DYSF: variants seen among roughly 807,000 people sequenced by gnomAD.
DYSF encodes dystrophy-associated fer-1-like 1.
A neutral mutation model predicts 274.9 loss-of-function variants in DYSF; 212 were observed. That is an observed-to-expected ratio of 0.77 (90% CI 0.69 to 0.86). The LOEUF (loss-of-function observed/expected upper bound fraction) is 0.86. Among genes scored for constraint, DYSF ranks in the 40% least tolerant of loss-of-function variants. DYSF has a pLI of 0.00. For synonymous variants in DYSF, 1,091 were observed against 1,078.7 expected (o/e 1.01, Z -0.22); for missense variants, 2,666 against 2,783.2 (o/e 0.96, Z 0.95).
At chr2:71,550,836 A>G (rs2090889951) in intron 17 of DYSF, among the ~76,000 whole-genome samples, 2 of 152,224 alleles carry the variant, frequency 1.3e-5, no homozygotes, top group Admixed American at 1.3e-4. Flanking sequence ...GCATCTCAGC[A>G]TGATGGTGAG....
chr2:71,673,819 G>A (rs560830753), intron 51 of DYSF, among the ~76,000 whole-genome samples: 73 of 152,278 alleles, frequency 4.8e-4, no homozygotes, highest in African/African-American at 1.7e-3. Context: ...GTTCATAGCA[G>A]TAGAGGGCCA....
intron 3 of DYSF, among the ~76,000 whole-genome samples, chr2:71,490,749 A>G (rs1234900294): frequency 1.3e-5 from 2 of 152,164 alleles, no homozygotes; most frequent in Non-Finnish European, 2.9e-5. Context: ...CTTTGCTTTT[A>G]TCACTTCATC....
At chr2:71,629,112 ATTC>A (rs1305334455) in intron 41 of DYSF, among the ~76,000 whole-genome samples, 2 of 151,996 alleles carry the variant, frequency 1.3e-5, no homozygotes, top group Admixed American at 6.6e-5. Flanking sequence ...GACCTCTTCT[ATTC>A]TTCATGTCTG....
rs534610734 is a variant in DYSF, at chr2:71,635,801, C to T, written c.4528-8164C>T. 1.5e-4 allele frequency among the ~76,000 whole-genome samples: 22 copies of T among 150,684 alleles called. No individual in the cohort carries two copies. The South Asian group carries it at 4.7e-3, about 32-fold the overall frequency. ...AGAAAAAGAAAAAAGATGAAGGGCT[C>T]TGCCTTCATGGAGAAGGAGATACAA... On this transcript the variant is annotated intron_variant, in intron 41 of 55. Transcript: ENST00000410020.
At chr2:71,453,894 G>C in exon 1 of DYSF, 1 of 1,175,788 alleles carries the variant, frequency 8.5e-7, no homozygotes, top group South Asian at 1.3e-5. Context: ...GCCTCGCCCA[G>C]CCAGCCCTCT....
At chr2:71,514,054 T>C (rs949011276) in intron 7 of DYSF, 133 bp downstream of exon 7, 10 of 1,069,572 alleles carry the variant, frequency 9.3e-6, no homozygotes, top group South Asian at 8.1e-5. Flanking sequence ...TGGGGGAATC[T>C]GTAGTTTCCC....
In DYSF at chr2:71,669,865, G is replaced by C. The variant is rs1371736149; in HGVS notation, c.5784+119G>C. 2.2e-6 allele frequency: 3 copies of C among 1,377,856 alleles called. No individual in the cohort carries two copies. The East Asian group carries it at 6.9e-5, about 32-fold the overall frequency. The allele number at this position is 1,377,856 out of a possible 1,614,324, so 85.4% of individuals were successfully genotyped here. On this transcript the variant is annotated intron_variant, in intron 51 of 55. Transcript: ENST00000410020. ...ATCTCACTGCTGCCCCACCATGTTG[G>C]AGCTACCACTGCCATCTCCACATGG...
chr2:71,623,472 A>T (rs983912936), intron 41 of DYSF, among the ~76,000 whole-genome samples: 4 of 152,002 alleles, frequency 2.6e-5, no homozygotes, highest in Admixed American at 2.6e-4. Flanking sequence ...AAGTCCTGCA[A>T]ATGTACCACA....
chr2:71,669,474 C>A lies in DYSF; in HGVS notation c.5643-131C>A. ...TTTATGGCACATTTTGTACATCGTGCCGATTTCCTGGGAATTCTTTTTGCG... is the reference window on the plus strand; with the variant it reads ...TTTATGGCACATTTTGTACATCGTGACGATTTCCTGGGAATTCTTTTTGCG... On this transcript the variant is annotated intron_variant, in intron 50 of 55. Coordinates refer to ENST00000410020, the MANE Select transcript of DYSF (RefSeq NM_001130987.2). 2.5e-6 allele frequency: 3 copies of A among 1,201,574 alleles called. No individual in the cohort carries two copies. In the South Asian group the frequency reaches 3.8e-5, roughly 15 times the overall value. The allele number at this position is 1,201,574 out of a possible 1,614,324, so 74.4% of individuals were successfully genotyped here.
intron 30 of DYSF, among the ~76,000 whole-genome samples, chr2:71,579,313 T>C (rs559219827): frequency 6.6e-6 from 1 of 152,222 alleles, no homozygotes; most frequent in East Asian, 1.9e-4. Flanking sequence ...TTCTCTGAGA[T>C]GCCTGGGCCT....
intron 30 of DYSF, among the ~76,000 whole-genome samples, chr2:71,584,266 T>C (rs538796299): frequency 7.7e-4 from 117 of 152,068 alleles, no homozygotes; most frequent in African/African-American, 2.6e-3. Context: ...GGGCTCAGAG[T>C]GGGAGCAGAG....
rs1407590855 is a variant in DYSF at position 71,513,304 on chromosome 2, C to A, written c.525C>A (p.Tyr175Ter). The A allele has an allele frequency of 6.4e-7, 1 of 1,551,560 alleles. No homozygotes were observed. The highest frequency in any genetic ancestry group is 1.4e-5 in the African/African-American group (1 of 73,038). Residue 175 changes from tyrosine to a stop codon, truncating the protein, a stop_gained, in exon 6 of 56, where the codon TAC becomes TAA. Transcript: ENST00000410020. LOFTEE classifies it high-confidence loss of function. ...LLSDSTMDTRYSGKKWPAPTD... is the reference protein window; with the variant it reads ...LLSDSTMDTR Reference sequence around the variant, plus strand: ...GTGACAGCACCATGGACACGAGATACTCTGGAAAGAAGTGGCCGGCCCCCA... The same window carrying A: ...GTGACAGCACCATGGACACGAGATAATCTGGAAAGAAGTGGCCGGCCCCCA...
At chr2:71,665,012 C>T (rs1269616831) in intron 46 of DYSF, 150 bp from the exon 47 acceptor site, 15 of 1,232,778 alleles carry the variant, frequency 1.2e-5, no homozygotes, top group Non-Finnish European at 1.5e-5. Flanking sequence ...ATGGGGATGC[C>T]CAGTCATGGT....
At chr2:71,661,099 AG>A (rs1404944546) in intron 45 of DYSF, among the ~76,000 whole-genome samples, 2 of 144,408 alleles carry the variant, frequency 1.4e-5, no homozygotes, top group African/African-American at 5.2e-5. Context: ...CCTGGGTGAC[AG>A]AGCAAAACCC....
rs144636654 is a variant in DYSF, at chr2:71,569,911, A to G, written c.2956A>G (p.Met986Val). 1.2e-6 allele frequency: 2 copies of G among 1,614,096 alleles called. No individual in the cohort carries two copies. The highest frequency in any genetic ancestry group is 2.2e-5 in the South Asian group (2 of 91,046). ...TRLPGGQWIY[M>V]SDNYTDVNGE... is the part of the protein sequence containing the mutation. ...GCTTCCCGGAGGCCAGTGGATCTAC[A>G]TGAGTGACAACTACACCGATGTGGT... The change falls in exon 27 of 56, where the codon ATG (methionine) becomes GTG (valine). Residue 986 changes from methionine (M) to valine (V), a missense_variant. This residue lies in a region of DYSF where 1,460 missense variants were observed against 1,502.1 expected (regional missense o/e 0.97). Coordinates refer to ENST00000410020, the MANE Select transcript of DYSF (RefSeq NM_001130987.2).
chr2:71,678,602 A>T (rs1010030652), intron 52 of DYSF, among the ~76,000 whole-genome samples: 4 of 152,132 alleles, frequency 2.6e-5, no homozygotes, highest in Non-Finnish European at 4.4e-5. Context: ...TTTTAGAAAT[A>T]GTAGTGATGG....
intron 3 of DYSF, among the ~76,000 whole-genome samples, chr2:71,492,351 G>A (rs533492168): frequency 5.4e-4 from 82 of 152,296 alleles, no homozygotes; most frequent in Non-Finnish European, 9.8e-4. Flanking sequence ...GAGGACAGGT[G>A]TTTCCTCCCC....
rs1239179914 is a variant in DYSF, at chr2:71,676,925, G to GTA, written c.5885-2131_5885-2130insAT. 3.3e-5 allele frequency among the ~76,000 whole-genome samples: 3 copies of GTA among 90,796 alleles called. No individual in the cohort carries two copies. In the South Asian group the frequency reaches 1.0e-3, roughly 30 times the overall value. The allele number at this position is 90,796 out of a possible 152,430, so 59.6% of individuals were successfully genotyped here. On this transcript the variant is annotated intron_variant, in intron 52 of 55. Coordinates refer to ENST00000410020, the MANE Select transcript of DYSF (RefSeq NM_001130987.2). ...TGTAGATCATGCTGAGATAATGTGT[G>GTA]TGTATGTGTGTGTGTGTGTGTGTGT...
At position 71,553,817 on chromosome 2, in the gene DYSF, C is replaced by T; in HGVS notation, c.1995C>T (p.Tyr665=). Residue 665 remains tyrosine (Y), a synonymous_variant, in exon 21 of 56, where the codon TAC becomes TAT. Coordinates refer to ENST00000410020, the MANE Select transcript of DYSF (RefSeq NM_001130987.2). ...GTCTCTCCATTCCAGGGTGCCACTA[C>T]TACTACCTACCCTGGGGTAACGTGA... ...YSRAVFDGCH[Y]YYLPWGNVKP... is the part of the protein sequence containing the mutation. 4 of 1,409,208 alleles carry T rather than the reference C, an allele frequency of 2.8e-6. No homozygotes were observed. The highest frequency in any genetic ancestry group is 3.8e-6 in the Non-Finnish European group (4 of 1,050,324). 87.3% of individuals were successfully genotyped at this position (1,409,208 alleles called of 1,614,324 possible).
Sources: allele counts gnomAD v4.1 joint callset (sites outside exome capture counted in the v4.1 genomes callset), GRCh38; gene constraint gnomAD v4.1.1; regional missense constraint gnomAD v4.1.1; transcripts MANE v1.5; gene names NCBI Gene and HGNC (gene_info 2026-07-23, HGNC 2026-07-21).